SLFN5: variants seen among roughly 807,000 people sequenced by gnomAD.
SLFN5 encodes schlafen family member 5.
Under a neutral mutation model 48.5 loss-of-function variants are expected in SLFN5, and 34 were observed. The observed-to-expected ratio is 0.70, with a 90% CI of 0.53 to 0.93. The LOEUF is 0.93. SLFN5 is among the 40% of genes least tolerant of loss of function. The pLI is 0.00. For missense variants in SLFN5, 1,006 were observed against 1,071.3 expected, an observed-to-expected ratio of 0.94 and a Z score of 0.85; for synonymous variants, 387 against 396.2, an observed-to-expected ratio of 0.98 and a Z score of 0.28.
At chr17:35,253,591 T>C (rs1415875348) in intron 1 of SLFN5, among the ~76,000 whole-genome samples, 1 of 151,886 alleles carries the variant, frequency 6.6e-6, no homozygotes, top group Non-Finnish European at 1.5e-5. Flanking sequence ...CCCAGGCTGG[T>C]CTTAAGCTCC....
intron 1 of SLFN5, 138 bp from the exon 2 acceptor site, chr17:35,258,513 G>T (rs140356456): frequency 1.6e-6 from 1 of 643,216 alleles, no homozygotes; most frequent in African/African-American, 1.8e-5. Flanking sequence ...TTCAAGATGA[G>T]ATTTGGGTGG....
At chr17:35,247,765 G>A (rs2092434031) in intron 1 of SLFN5, among the ~76,000 whole-genome samples, 1 of 152,174 alleles carries the variant, frequency 6.6e-6, no homozygotes, top group South Asian at 2.1e-4. Context: ...TCAGACATAG[G>A]CATAGGTCCT....
At position 35,265,190 on chromosome 17, in the gene SLFN5, G is replaced by T. The variant is rs1349021599; in HGVS notation, c.1978G>T (p.Asp660Tyr). The T allele has an allele frequency of 1.2e-6, 2 of 1,614,062 alleles. No individual in the cohort carries two copies. Among genetic ancestry groups the T allele is most frequent in the African/African-American group, 2.7e-5 (2 of 74,906 alleles). Reference sequence around the variant, plus strand: ...TCAGAATTTCCGTACTGAAGATGGGGACTGGTATGGGAAAGCAAAGTTCAT... The same window carrying T: ...TCAGAATTTCCGTACTGAAGATGGGTACTGGTATGGGAAAGCAAAGTTCAT... The part of the protein sequence containing the change: ...DAQNFRTEDG[D>Y]WYGKAKFITQ... The change falls in exon 5 of 5, where the codon GAC (aspartate) becomes TAC (tyrosine). Residue 660 changes from aspartate to tyrosine, a missense_variant. Asp to Tyr is a radical substitution (Grantham distance 160, BLOSUM62 -3). Coordinates refer to ENST00000299977, the MANE Select transcript of SLFN5 (RefSeq NM_144975.4).
At position 35,267,037 on chromosome 17, in the gene SLFN5, T is replaced by A. The variant is rs933463518; in HGVS notation, c.*1149T>A. On this transcript the variant is annotated 3_prime_UTR_variant, in exon 5 of 5. Transcript: ENST00000299977. ...ATTGTAAGAAGTATGAACTTGAAGC[T>A]AGAATTGGTTTATTTCTGGCAGCTA... 2 of 152,366 alleles carry A rather than the reference T, an allele frequency of 1.3e-5. No individual in the cohort carries two copies. The highest frequency in any genetic ancestry group is 1.5e-5 in the Non-Finnish European group (1 of 68,038). The allele number at this position is 152,366 out of a possible 1,614,324, so 9.4% of individuals were successfully genotyped here.
intron 1 of SLFN5, among the ~76,000 whole-genome samples, chr17:35,253,542 G>C (rs2092447619): frequency 6.6e-6 from 1 of 151,330 alleles, no homozygotes; most frequent in African/African-American, 2.4e-5. Context: ...TGGTGTTTTG[G>C]TTTTTGAAGA....
At position 35,265,424 on chromosome 17, in the gene SLFN5, C is replaced by T; in HGVS notation, c.2212C>T (p.Pro738Ser). The change falls in exon 5 of 5, where the codon CCC becomes TCC. Residue 738 changes from proline (P) to serine (S), a missense_variant. By Grantham distance (74) the Pro-to-Ser change is moderately conservative. Coordinates refer to ENST00000299977, the MANE Select transcript of SLFN5 (RefSeq NM_144975.4). ...EARQNPPPNL[P>S]PGSLVMLYEP... Reference sequence around the variant, plus strand: ...CCGACAAAATCCTCCACCTAACCTCCCCCCTGGGTCCCTGGTGATGCTCTA... The same window carrying T: ...CCGACAAAATCCTCCACCTAACCTCTCCCCTGGGTCCCTGGTGATGCTCTA... 1.2e-6 allele frequency: 2 copies of T among 1,614,204 alleles called. No homozygotes were observed. The highest frequency in any genetic ancestry group is 1.7e-6 in the Non-Finnish European group (2 of 1,180,042).
chr17:35,266,688 A>G lies in SLFN5; in HGVS notation c.*800A>G, dbSNP rs935340515. The G allele has an allele frequency of 3.3e-5, 5 of 152,266 alleles. No homozygotes were observed. The East Asian group carries it at 9.6e-4, about 29-fold the overall frequency. 9.4% of individuals were successfully genotyped at this position (152,266 alleles called of 1,614,324 possible). On this transcript the variant is annotated 3_prime_UTR_variant, in exon 5 of 5. Transcript: ENST00000299977. ...TGTTTTACTGATTGATTTGAAGATG[A>G]TAGAGAGCCTAGGGGGATGAGTCTA...
chr17:35,263,409 G>A (rs561252823), intron 3 of SLFN5, among the ~76,000 whole-genome samples: 57 of 152,234 alleles, frequency 3.7e-4, no homozygotes, highest in African/African-American at 1.2e-3. Flanking sequence ...GGGATTACAG[G>A]CATGAGCCAC....
In SLFN5 at chr17:35,259,397, G is replaced by T; in HGVS notation, c.707G>T (p.Cys236Phe). The T allele has an allele frequency of 6.2e-7, 1 of 1,614,178 alleles. No individual in the cohort carries two copies. The highest frequency in any genetic ancestry group is 8.5e-7 in the Non-Finnish European group (1 of 1,180,034). ...TTTTTTGGTGTGCATGATGAGACTT[G>T]TCAAGTGATTGGATGTGAAAAAGAG... ...YVFFGVHDETCQVIGCEKEKI... is the reference protein window; with the variant it reads ...YVFFGVHDETFQVIGCEKEKI... Residue 236 changes from cysteine to phenylalanine, a missense_variant, in exon 2 of 5, where the codon TGT (cysteine) becomes TTT (phenylalanine). Coordinates refer to ENST00000299977, the MANE Select transcript of SLFN5 (RefSeq NM_144975.4).
At chr17:35,259,763 G>C (rs922835533) in intron 2 of SLFN5, 61 bp downstream of exon 2, 1 of 1,554,188 alleles carries the variant, frequency 6.4e-7, no homozygotes. Context: ...GGGCGGGTCA[G>C]AGAGGAAAGA....
chr17:35,250,889 A>G (rs1206307654), intron 1 of SLFN5, among the ~76,000 whole-genome samples: 1 of 152,214 alleles, frequency 6.6e-6, no homozygotes, highest in Non-Finnish European at 1.5e-5. Context: ...CTCTCTAAGG[A>G]GGGATAAATA....
intron 1 of SLFN5, among the ~76,000 whole-genome samples, chr17:35,244,558 G>T (rs2092426502): frequency 6.6e-6 from 1 of 152,208 alleles, no homozygotes; most frequent in Non-Finnish European, 1.5e-5. Context: ...CTCATGGGAG[G>T]TGAGAGTTCC....
Position 35,259,454 on chromosome 17 carries a change from T to C in SLFN5, c.764T>C (p.Ile255Thr), listed in dbSNP as rs930187459. 2 of 1,614,220 alleles carry C rather than the reference T, an allele frequency of 1.2e-6. No individual in the cohort carries two copies. The highest frequency in any genetic ancestry group is 1.7e-6 in the Non-Finnish European group (2 of 1,180,038). ...KIDLTSLRAS[I>T]DGCIKKLPVH... ...GACCTTACGAGCTTGAGGGCTTCTA[T>C]TGATGGCTGTATTAAGAAGCTACCT... The change falls in exon 2 of 5, where the codon ATT becomes ACT. Residue 255 changes from isoleucine (I) to threonine (T), a missense_variant. By Grantham distance (89) the Ile-to-Thr change is moderately conservative. Transcript: ENST00000299977.
At chr17:35,264,003 G>A (rs1380581552) in intron 3 of SLFN5, among the ~76,000 whole-genome samples, 180 bp from the exon 4 acceptor site, 1 of 151,800 alleles carries the variant, frequency 6.6e-6, no homozygotes, top group Non-Finnish European at 1.5e-5. Flanking sequence ...ATTATTGTCT[G>A]TTTATACCAG....
At chr17:35,253,403 C>A (rs7406114) in intron 1 of SLFN5, among the ~76,000 whole-genome samples, 72,348 of 151,480 alleles carry the variant, frequency 0.48, 17,776 homozygotes, top group Middle Eastern at 0.55. Context: ...ACAGGGTCTC[C>A]CTCTGTTGCC....
Position 35,259,010 on chromosome 17 carries a change from G to C in SLFN5, c.320G>C (p.Gly107Ala), listed in dbSNP as rs774150184. The C allele has an allele frequency of 3.1e-6, 5 of 1,614,152 alleles. No homozygotes were observed. Among genetic ancestry groups the C allele is most frequent in the African/African-American group, 1.3e-5 (1 of 75,018 alleles). The change falls in exon 2 of 5, where the codon GGT becomes GCT. Residue 107 changes from glycine to alanine, a missense_variant. Transcript: ENST00000299977. ...IFVKSWNTEA[G>A]VPLATLCSNL... is the part of the protein sequence containing the mutation. ...GTGAAATCATGGAACACAGAGGCTG[G>C]TGTGCCACTTGCTACCTTATGCTCC...
In SLFN5 at chr17:35,265,758, C is replaced by T. The variant is rs141263964; in HGVS notation, c.2546C>T (p.Ser849Leu). ...HIVLDSVCRFSGLERNIVFGI... is the reference protein window; with the variant it reads ...HIVLDSVCRFLGLERNIVFGI... ...GTGTTGGACAGTGTCTGTCGATTTT[C>T]AGGCCTGGAAAGAAATATCGTGTTT... Residue 849 changes from serine (S) to leucine (L), a missense_variant, in exon 5 of 5, where the codon TCA becomes TTA. Transcript: ENST00000299977. 5.6e-6 allele frequency: 9 copies of T among 1,614,194 alleles called. No individual in the cohort carries two copies. The highest frequency in any genetic ancestry group is 1.3e-5 in the African/African-American group (1 of 75,048).
At chr17:35,245,358 G>A (rs765474362) in intron 1 of SLFN5, among the ~76,000 whole-genome samples, 21 of 152,180 alleles carry the variant, frequency 1.4e-4, no homozygotes, top group Non-Finnish European at 2.6e-4. Context: ...TTCATGTCCT[G>A]GGGTGAGAGG....
In SLFN5 at chr17:35,268,181, C is replaced by T. The variant is rs891453241; in HGVS notation, c.*2293C>T. The T allele has an allele frequency of 6.6e-6, 1 of 152,220 alleles. No individual in the cohort carries two copies. The highest frequency in any genetic ancestry group is 2.4e-5 in the African/African-American group (1 of 41,426). The allele number at this position is 152,220 out of a possible 1,614,324, so 9.4% of individuals were successfully genotyped here. ...TGGAAGACACCACCCAGGCCTCCAG[C>T]TATACACTGGAGAAGAAGCCAAACT... is the stretch of plus-strand genomic sequence containing the variant. On this transcript the variant is annotated 3_prime_UTR_variant, in exon 5 of 5. Coordinates refer to ENST00000299977, the MANE Select transcript of SLFN5 (RefSeq NM_144975.4).
Sources: gnomAD v4.1 joint callset for allele counts (sites outside exome capture counted in the v4.1 genomes callset) on GRCh38, gnomAD v4.1.1 for gene constraint, MANE v1.5 for transcripts, NCBI Gene and HGNC (gene_info 2026-07-23, HGNC 2026-07-21) for gene names.